UBR3: variants seen among roughly 807,000 people sequenced by gnomAD.
UBR3 encodes E3 ubiquitin-protein ligase UBR3.
Under a neutral mutation model 243.2 loss-of-function variants are expected in UBR3, and 85 were observed. That is an observed-to-expected ratio of 0.35 (90% CI 0.29 to 0.42). The LOEUF is 0.42. Among genes scored for constraint, UBR3 ranks in the 10% least tolerant of loss-of-function variants. The pLI is 1.00. For missense variants in UBR3, 1,686 were observed against 2,300.8 expected, an observed-to-expected ratio of 0.73 and a Z score of 5.47; for synonymous variants, 748 against 799.8, an observed-to-expected ratio of 0.94 and a Z score of 1.09.
chr2:169,932,853 C>A, intron 18 of UBR3, 59 bp from the exon 19 acceptor site: 2 of 1,310,294 alleles, frequency 1.5e-6, no homozygotes, highest in Non-Finnish European at 2.1e-6. Flanking sequence ...TGTAATAAGT[C>A]AATAAATATT....
intron 1 of UBR3, among the ~76,000 whole-genome samples, chr2:169,847,989 C>T (rs781380471): frequency 2.6e-5 from 4 of 152,164 alleles, no homozygotes; most frequent in Non-Finnish European, 5.9e-5. Flanking sequence ...TAAGCTATAG[C>T]AGCATTGATT....
At chr2:169,913,813 A>G (rs1000211633) in intron 10 of UBR3, among the ~76,000 whole-genome samples, 5 of 152,276 alleles carry the variant, frequency 3.3e-5, no homozygotes, top group Non-Finnish European at 7.4e-5. Context: ...TCTATTTAAA[A>G]TCTATTTCTG....
chr2:169,848,111 TATC>T (rs1215034175), intron 1 of UBR3, among the ~76,000 whole-genome samples: 4 of 152,342 alleles, frequency 2.6e-5, no homozygotes, highest in African/African-American at 4.8e-5. Flanking sequence ...CTCTGACACA[TATC>T]ATCACGTCAC....
At chr2:170,006,901 T>C in intron 27 of UBR3, 89 bp from the exon 28 acceptor site, 1 of 1,093,462 alleles carries the variant, frequency 9.1e-7, no homozygotes, top group South Asian at 1.5e-5. Flanking sequence ...TTTTCTATGG[T>C]TTATTAATTT....
At position 170,004,276 on chromosome 2, in the gene UBR3, A is replaced by G. The variant is rs556598496; in HGVS notation, c.4030-2714A>G. On this transcript the variant is annotated intron_variant, in intron 27 of 38. Transcript: ENST00000272793. ...GACAATCTTCTGGAGCATGAGGGGG[A>G]AGAAGGAATCAACGTGATAGGTGAT... 2.6e-5 allele frequency among the ~76,000 whole-genome samples: 4 copies of G among 152,214 alleles called. No individual in the cohort carries two copies. In the South Asian group the frequency reaches 6.2e-4, roughly 24 times the overall value.
chr2:170,011,089 A>G (rs1463655076), intron 29 of UBR3, among the ~76,000 whole-genome samples: 1 of 152,072 alleles, frequency 6.6e-6, no homozygotes, highest in Non-Finnish European at 1.5e-5. Context: ...CCCTTGAGCT[A>G]CAAGAAATGA....
chr2:169,859,785 T>G (rs2083024250), intron 1 of UBR3, among the ~76,000 whole-genome samples: 1 of 152,066 alleles, frequency 6.6e-6, no homozygotes, highest in South Asian at 2.1e-4. Flanking sequence ...CGCATGATCT[T>G]GGCTCACTGC....
rs749609873 is a variant in UBR3, at chr2:169,831,107, T to TTATATATATA, written c.545+3067_545+3076dup. On this transcript the variant is annotated intron_variant, in intron 1 of 38. Transcript: ENST00000272793. The stretch of plus-strand genomic sequence containing the variant: ...TGGCAACCCTCTATGAGTTGGTACA[T>TTATATATATA]TATATATATATATATATATATTTTT... 2.1e-3 allele frequency among the ~76,000 whole-genome samples: 60 copies of TTATATATATA among 28,764 alleles called. 2 individuals carry two copies. The highest frequency in any genetic ancestry group is 4.9e-3 in the South Asian group (2 of 412). The allele number at this position is 28,764 out of a possible 152,430, so 18.9% of individuals were successfully genotyped here.
At position 169,827,831 on chromosome 2, in the gene UBR3, C is replaced by T. The variant is rs911727836; in HGVS notation, c.324C>T (p.Cys108=). 4.7e-5 allele frequency: 71 copies of T among 1,503,580 alleles called. No homozygotes were observed. The Middle Eastern group carries it at 5.1e-4, about 11-fold the overall frequency. 93.1% of individuals were successfully genotyped at this position (1,503,580 alleles called of 1,614,324 possible). Residue 108 remains cysteine, a synonymous_variant, in exon 1 of 39, where the codon TGC becomes TGT. Transcript: ENST00000272793. ...LAGGGGYDEF[C]AAVRAYDPAA... The stretch of plus-strand genomic sequence containing the variant: ...GCGGCGGCGGCTACGACGAGTTCTG[C>T]GCGGCGGTGCGGGCCTACGATCCCG...
chr2:169,988,494 T>G (rs1000123283), intron 25 of UBR3, among the ~76,000 whole-genome samples: 15 of 152,090 alleles, frequency 9.9e-5, no homozygotes, highest in African/African-American at 2.9e-4. Context: ...CCCTTAGAGA[T>G]AGAAGGAAAA....
chr2:169,950,096 T>G (rs769583101), intron 23 of UBR3, 31 bp downstream of exon 23: 1 of 1,506,594 alleles, frequency 6.6e-7, no homozygotes, highest in Non-Finnish European at 8.9e-7. Flanking sequence ...TTTAAACGTG[T>G]GTATAGTTGA....
intron 8 of UBR3, among the ~76,000 whole-genome samples, chr2:169,900,323 A>G (rs962047324): frequency 2.0e-5 from 3 of 152,090 alleles, no homozygotes; most frequent in Non-Finnish European, 4.4e-5. Flanking sequence ...CATGTCCTTC[A>G]CCCACTTTTT....
rs756337756 is a variant in UBR3 at position 169,994,275 on chromosome 2, T to G, written c.3785-48T>G. ...TCAGCTTTTCTTGGAGTTACAGGTC[T>G]ATGGCACTGATTATTTTTGATTAAT... On this transcript the variant is annotated intron_variant, in intron 25 of 38. Coordinates refer to ENST00000272793, the MANE Select transcript of UBR3 (RefSeq NM_172070.4). The G allele has an allele frequency of 7.5e-6, 12 of 1,607,622 alleles. No homozygotes were observed. The African/African-American group carries it at 1.6e-4, about 21-fold the overall frequency.
At position 170,079,902 on chromosome 2, in the gene UBR3, G is replaced by A; in HGVS notation, c.5288G>A (p.Arg1763Lys). The A allele has an allele frequency of 6.2e-7, 1 of 1,614,030 alleles. No individual in the cohort carries two copies. Among genetic ancestry groups the A allele is most frequent in the Non-Finnish European group, 8.5e-7 (1 of 1,179,958 alleles). Residue 1763 changes from arginine to lysine, a missense_variant, in exon 37 of 39, where the codon AGA (arginine) becomes AAA (lysine). Physicochemically the swap from Arg to Lys is conservative, Grantham distance 26. Around this residue, in one of 8 missense-constraint regions of UBR3, gnomAD observed 89 missense variants for 183.3 expected, o/e 0.49. Transcript: ENST00000272793. ...AACACCATTTTTCAGTACTACCACA[G>A]AAAAACCTGTAGTGTCTGCACCAAG... Reference protein sequence around the residue: ...NYNTIFQYYHRKTCSVCTKVP... With the variant: ...NYNTIFQYYHKKTCSVCTKVP...
intron 27 of UBR3, among the ~76,000 whole-genome samples, chr2:170,003,391 A>G (rs1383491704): frequency 6.6e-6 from 1 of 152,168 alleles, no homozygotes; most frequent in Non-Finnish European, 1.5e-5. Flanking sequence ...GTTGTCTTCC[A>G]TCAGTTCAAC....
chr2:170,024,964 G>T (rs565114437), intron 30 of UBR3, among the ~76,000 whole-genome samples: 7 of 152,290 alleles, frequency 4.6e-5, no homozygotes, highest in Non-Finnish European at 8.8e-5. Flanking sequence ...TTGGGGGTCA[G>T]TCTCTTTTGG....
intron 24 of UBR3, among the ~76,000 whole-genome samples, chr2:169,973,789 A>G (rs1422341545): frequency 6.6e-6 from 1 of 152,192 alleles, no homozygotes; most frequent in Non-Finnish European, 1.5e-5. Flanking sequence ...TCTTGGAGGA[A>G]AAGCTTTCAG....
chr2:169,856,238 C>A lies in UBR3; in HGVS notation c.546-15998C>A, dbSNP rs538725807. ...GGCGCTCCTCACATCCCAGATGGGG[C>A]GGCGGGGCAGAGGCTCTTCCCATAT... is the stretch of plus-strand genomic sequence containing the variant. On this transcript the variant is annotated intron_variant, in intron 1 of 38. Transcript: ENST00000272793. Among the ~76,000 whole-genome samples the A allele has an allele frequency of 2.7e-5, 4 of 146,874 alleles. No individual in the cohort carries two copies. In the East Asian group the frequency reaches 6.1e-4, roughly 22 times the overall value.
rs1236888848 is a variant in UBR3, at chr2:169,836,043, C to CTATATA, written c.545+8011_545+8016dup. ...TCTCTCTCTCTCTCTCTCTCTCTCT[C>CTATATA]TATATATATATATATATATATATAT... On this transcript the variant is annotated intron_variant, in intron 1 of 38. Coordinates refer to ENST00000272793, the MANE Select transcript of UBR3 (RefSeq NM_172070.4). Among the ~76,000 whole-genome samples, 6 of 8,052 alleles carry CTATATA rather than the reference C, an allele frequency of 7.5e-4. 1 individual carries two copies. Among genetic ancestry groups the CTATATA allele is most frequent in the African/African-American group, 2.1e-3 (5 of 2,342 alleles). The allele number at this position is 8,052 out of a possible 152,430, so 5.3% of individuals were successfully genotyped here. A position where few individuals can be genotyped will look rare whatever the true frequency, so the allele number is the denominator to read the frequency against.
Sources: allele counts gnomAD v4.1 joint callset (sites outside exome capture counted in the v4.1 genomes callset), GRCh38; gene constraint gnomAD v4.1.1; regional missense constraint gnomAD v4.1.1; transcripts MANE v1.5; gene names NCBI Gene and HGNC (gene_info 2026-07-23, HGNC 2026-07-21).